SAMD12: variants seen among roughly 807,000 people sequenced by gnomAD.
SAMD12 encodes sterile alpha motif domain containing 12.
In SAMD12, 9 loss-of-function variants were observed where a neutral mutation model predicts 15.0. That is an observed-to-expected ratio of 0.60 (90% CI 0.36 to 1.05). The LOEUF (loss-of-function observed/expected upper bound fraction) is 1.05, where lower values mean the gene tolerates loss of function less well. SAMD12 is among the 50% of genes least tolerant of loss of function. The pLI is 0.01. For missense variants in SAMD12, 230 were observed against 234.2 expected (o/e 0.98, Z 0.12); for synonymous variants, 86 against 90.1 (o/e 0.96, Z 0.25).
intron 2 of SAMD12, among the ~76,000 whole-genome samples, chr8:118,504,873 C>T (rs1462317797): frequency 6.6e-6 from 1 of 152,162 alleles, no homozygotes; most frequent in Non-Finnish European, 1.5e-5. Flanking sequence ...GACAGCATAG[C>T]CCTAGAAGGT....
chr8:118,555,318 A>G (rs575977097), intron 2 of SAMD12, among the ~76,000 whole-genome samples: 1 of 152,334 alleles, frequency 6.6e-6, no homozygotes, highest in Admixed American at 6.5e-5. Context: ...TAAAACAACT[A>G]AAACACTCCT....
chr8:118,212,984 C>T (rs576287405), intron 4 of SAMD12, among the ~76,000 whole-genome samples: 4 of 152,258 alleles, frequency 2.6e-5, no homozygotes, highest in Admixed American at 6.5e-5. Flanking sequence ...CCTCAAATCC[C>T]TGCCTTTTTA....
At chr8:118,433,701 T>C (rs1036497484) in intron 3 of SAMD12, among the ~76,000 whole-genome samples, 3 of 152,084 alleles carry the variant, frequency 2.0e-5, no homozygotes, top group African/African-American at 7.2e-5. Context: ...TATGTAAATA[T>C]AAAATTATGC....
chr8:118,175,521 C>T, the SAMD12 span, among the ~76,000 whole-genome samples: 10 of 152,170 alleles, frequency 6.6e-5, no homozygotes, highest in African/African-American at 2.4e-4. Context: ...AGAGCTCTTG[C>T]ACAGCAAAAG....
intron 3 of SAMD12, among the ~76,000 whole-genome samples, chr8:118,416,225 G>T (rs1261534796): frequency 2.0e-5 from 3 of 152,104 alleles, no homozygotes; most frequent in Non-Finnish European, 4.4e-5. Flanking sequence ...GGAAAACAGA[G>T]AAAATGTTAT....
At chr8:118,455,268 CCT>C (rs57371997) in intron 2 of SAMD12, among the ~76,000 whole-genome samples, 34,682 of 148,452 alleles carry the variant, frequency 0.23, 6,457 homozygotes, top group African/African-American at 0.52. Context: ...GGCTTTCACA[CCT>C]CTCTCTCTCT....
chr8:118,165,748 A>G, the SAMD12 span, among the ~76,000 whole-genome samples: 1 of 151,532 alleles, frequency 6.6e-6, no homozygotes, highest in African/African-American at 2.4e-5. Context: ...TTTACTTATT[A>G]TAATCCTTTA....
At chr8:118,203,663 TG>T (rs1819777054) in intron 4 of SAMD12, among the ~76,000 whole-genome samples, 1 of 152,038 alleles carries the variant, frequency 6.6e-6, no homozygotes, top group South Asian at 2.1e-4. Context: ...ACATGTGATA[TG>T]TTGGTGTGCT....
intron 2 of SAMD12, among the ~76,000 whole-genome samples, chr8:118,565,293 C>G (rs185780830): frequency 1.3e-5 from 2 of 152,092 alleles, no homozygotes; most frequent in Non-Finnish European, 2.9e-5. Context: ...GGTTGGGGAA[C>G]AGGATCAAAA....
chr8:118,269,194 T>TTCTCTC (rs762035151), intron 4 of SAMD12, among the ~76,000 whole-genome samples: 75 of 138,550 alleles, frequency 5.4e-4, no homozygotes, highest in Middle Eastern at 3.4e-3. Context: ...TTTGCTTTTG[T>TTCTCTC]TCTCTCTCTC....
chr8:118,152,844 C>T, the SAMD12 span, among the ~76,000 whole-genome samples: 1 of 152,146 alleles, frequency 6.6e-6, no homozygotes, highest in Admixed American at 6.5e-5. Context: ...AAAAGTGCAC[C>T]ACTGGTAGTG....
At chr8:118,184,289 C>T in the SAMD12 span, among the ~76,000 whole-genome samples, 1 of 152,154 alleles carries the variant, frequency 6.6e-6, no homozygotes, top group African/African-American at 2.4e-5. Context: ...ATGTATCTGT[C>T]ATGTCCAGGG....
At chr8:118,159,322 G>A in the SAMD12 span, among the ~76,000 whole-genome samples, 1 of 152,154 alleles carries the variant, frequency 6.6e-6, no homozygotes, top group Non-Finnish European at 1.5e-5. Context: ...GCTGGCACCT[G>A]TGCCAGTGCC....
intron 4 of SAMD12, among the ~76,000 whole-genome samples, chr8:118,215,365 C>G (rs1015839466): frequency 1.3e-5 from 2 of 152,104 alleles, no homozygotes; most frequent in Non-Finnish European, 2.9e-5. Context: ...TTTGCCAACC[C>G]CTATAAAATA....
At chr8:118,494,647 TA>T (rs1241564570) in intron 2 of SAMD12, among the ~76,000 whole-genome samples, 1 of 152,172 alleles carries the variant, frequency 6.6e-6, no homozygotes, top group Non-Finnish European at 1.5e-5. Context: ...AATTACTACT[TA>T]TTACTGATTA....
rs767058018 is a variant in SAMD12, at chr8:118,621,901, C to T, written c.-85G>A. ...CGCGCTCCCCCCTTCCTCTCGCTTT[C>T]GCCTAAATATTCTGCGCTTATCTGC... On this transcript the variant is annotated 5_prime_UTR_variant, in exon 1 of 4. Transcript: ENST00000314727. 1 of 1,468,048 alleles carries T rather than the reference C, an allele frequency of 6.8e-7. No individual in the cohort carries two copies. Among genetic ancestry groups the T allele is most frequent in the Non-Finnish European group, 9.6e-7 (1 of 1,047,018 alleles). The allele number at this position is 1,468,048 out of a possible 1,614,324, so 90.9% of individuals were successfully genotyped here. A position where few individuals can be genotyped will look rare whatever the true frequency, so the allele number is the denominator to read the frequency against.
intron 4 of SAMD12, among the ~76,000 whole-genome samples, chr8:118,248,834 AT>A (rs1812756436): frequency 6.6e-6 from 1 of 152,186 alleles, no homozygotes; most frequent in Admixed American, 6.5e-5. Flanking sequence ...CAATACAGCT[AT>A]GAGCTCTTTT....
intron 4 of SAMD12, among the ~76,000 whole-genome samples, chr8:118,313,771 T>G (rs1258436404): frequency 6.6e-6 from 1 of 152,068 alleles, no homozygotes; most frequent in Non-Finnish European, 1.5e-5. Context: ...ATATTTACCC[T>G]GGTTTCTATG....
intron 4 of SAMD12, among the ~76,000 whole-genome samples, chr8:118,296,960 CT>C (rs1814745674): frequency 6.6e-6 from 1 of 152,188 alleles, no homozygotes; most frequent in Non-Finnish European, 1.5e-5. Flanking sequence ...ACATTCTGGT[CT>C]AAAACATGCT....
Sources: allele counts gnomAD v4.1 joint callset (sites outside exome capture counted in the v4.1 genomes callset), GRCh38; gene constraint gnomAD v4.1.1; transcripts MANE v1.5; gene names NCBI Gene and HGNC (gene_info 2026-07-23, HGNC 2026-07-21).